The following RPS6KC1 variants were observed in gnomAD, a reference collection of about 807,000 sequenced individuals.
RPS6KC1 encodes the protein inactive ribosomal protein S6 kinase delta-1.
In RPS6KC1, 54 loss-of-function variants were observed where a neutral mutation model predicts 103.8. The ratio of observed to expected loss-of-function variants is 0.52; its 90% CI spans 0.42 to 0.65. RPS6KC1 has a LOEUF of 0.65. Ranked by LOEUF, RPS6KC1 falls within the 30% of genes least tolerant of loss-of-function variation. RPS6KC1 has a pLI of 0.00. For missense variants in RPS6KC1, 1,151 were observed against 1,253.8 expected (o/e 0.92, Z 1.24); for synonymous variants, 439 against 438.7 (o/e 1.00, Z -0.01).
chr1:213,505,998 T>G, the RPS6KC1 span, among the ~76,000 whole-genome samples: 1 of 152,160 alleles, frequency 6.6e-6, no homozygotes, highest in Non-Finnish European at 1.5e-5. Flanking sequence ...TCATCTGCAT[T>G]TGTTTGTTGT....
the RPS6KC1 span, among the ~76,000 whole-genome samples, chr1:213,566,840 A>G: frequency 1.3e-5 from 2 of 151,830 alleles, no homozygotes; most frequent in Non-Finnish European, 2.9e-5. Context: ...CATTTTAAAC[A>G]TTTATTTTTA....
chr1:213,654,664 T>G, the RPS6KC1 span, among the ~76,000 whole-genome samples: 1 of 152,230 alleles, frequency 6.6e-6, no homozygotes, highest in Non-Finnish European at 1.5e-5. Flanking sequence ...ATTAAAGATT[T>G]ATTTTTAATA....
rs74699407 is a variant in RPS6KC1, at chr1:213,082,510, A to G, written c.262+4694A>G. On this transcript the variant is annotated intron_variant, in intron 3 of 14. Transcript: ENST00000366960. Reference sequence around the variant, plus strand: ...GTAAGACTGCAAGTGAGGTTTCCCAAAGAAGTTAGGTAAGTGTTACTGGAA... The same window carrying G: ...GTAAGACTGCAAGTGAGGTTTCCCAGAGAAGTTAGGTAAGTGTTACTGGAA... Among the ~76,000 whole-genome samples the G allele has an allele frequency of 3.9e-5, 6 of 152,310 alleles. No homozygotes were observed. The East Asian group carries it at 1.2e-3, about 29-fold the overall frequency.
chr1:213,640,840 T>TA, the RPS6KC1 span, among the ~76,000 whole-genome samples: 2 of 151,978 alleles, frequency 1.3e-5, no homozygotes, highest in Admixed American at 1.3e-4. Context: ...CATGTTCACT[T>TA]AAAAAAATGT....
the RPS6KC1 span, among the ~76,000 whole-genome samples, chr1:213,720,842 C>T: frequency 6.6e-6 from 1 of 152,190 alleles, no homozygotes; most frequent in African/African-American, 2.4e-5. Context: ...CTCCTTGAGC[C>T]TCATTGCCAT....
At chr1:213,569,228 A>T in the RPS6KC1 span, among the ~76,000 whole-genome samples, 5 of 152,088 alleles carry the variant, frequency 3.3e-5, no homozygotes, top group African/African-American at 1.2e-4. Flanking sequence ...TGAGGTTGTG[A>T]GCTAAAACCT....
At chr1:213,829,336 G>T in the RPS6KC1 span, among the ~76,000 whole-genome samples, 1 of 147,632 alleles carries the variant, frequency 6.8e-6, no homozygotes, top group African/African-American at 2.5e-5. Flanking sequence ...CAGGATTAAA[G>T]TCAGGGAGGC....
chr1:213,826,006 A>T, the RPS6KC1 span, among the ~76,000 whole-genome samples: 92 of 152,228 alleles, frequency 6.0e-4, no homozygotes, highest in Non-Finnish European at 1.1e-3. Context: ...ATCCACCATC[A>T]CTCATTAGAT....
At chr1:213,394,717 G>T in the RPS6KC1 span, among the ~76,000 whole-genome samples, 2 of 152,158 alleles carry the variant, frequency 1.3e-5, no homozygotes, top group African/African-American at 4.8e-5. Flanking sequence ...GCTGTATTGG[G>T]GTGTTCGTGG....
At chr1:213,234,350 A>T (rs1479314084) in intron 10 of RPS6KC1, among the ~76,000 whole-genome samples, 2 of 152,142 alleles carry the variant, frequency 1.3e-5, no homozygotes, top group African/African-American at 4.8e-5. Context: ...AAACAGAAAA[A>T]CAAAAAGCAA....
At chr1:213,794,068 G>A in the RPS6KC1 span, among the ~76,000 whole-genome samples, 10 of 152,168 alleles carry the variant, frequency 6.6e-5, no homozygotes, top group Non-Finnish European at 7.3e-5. Flanking sequence ...AATTATCTGT[G>A]TGCTGGATTT....
At chr1:213,351,545 A>G in the RPS6KC1 span, among the ~76,000 whole-genome samples, 1 of 152,182 alleles carries the variant, frequency 6.6e-6, no homozygotes, top group African/African-American at 2.4e-5. Flanking sequence ...TGGCTATATG[A>G]GTGGAGTTTT....
chr1:213,436,798 C>A, the RPS6KC1 span, among the ~76,000 whole-genome samples: 1 of 152,066 alleles, frequency 6.6e-6, no homozygotes, highest in African/African-American at 2.4e-5. Context: ...TTCAAAATTT[C>A]ATTTTCTAGT....
intron 12 of RPS6KC1, among the ~76,000 whole-genome samples, chr1:213,255,562 C>A (rs1331492758): frequency 6.6e-6 from 1 of 151,984 alleles, no homozygotes; most frequent in East Asian, 1.9e-4. Context: ...TTGGTTTATG[C>A]TTAGATTTTT....
the RPS6KC1 span, among the ~76,000 whole-genome samples, chr1:213,322,911 CTTTTTTTTTTTTTT>C: frequency 2.7e-5 from 1 of 36,672 alleles, no homozygotes; most frequent in African/African-American, 1.2e-4. Context: ...CCATGCCCAG[CTTTTTTTTTTTTTT>C]TTTTTTTTTT....
At chr1:213,489,551 A>T in the RPS6KC1 span, among the ~76,000 whole-genome samples, 1 of 152,204 alleles carries the variant, frequency 6.6e-6, no homozygotes, top group African/African-American at 2.4e-5. Context: ...GGATACAAAG[A>T]ACATAACACA....
chr1:213,288,935 GTTGT>G, the RPS6KC1 span, among the ~76,000 whole-genome samples: 12 of 152,110 alleles, frequency 7.9e-5, no homozygotes, highest in Admixed American at 3.3e-4. Flanking sequence ...GGATTGGCTT[GTTGT>G]TTGTTTGTTT....
chr1:213,780,746 G>A, the RPS6KC1 span, among the ~76,000 whole-genome samples: 1 of 152,174 alleles, frequency 6.6e-6, no homozygotes, highest in Non-Finnish European at 1.5e-5. Context: ...AGTGACAGCA[G>A]GGCTCAGTGG....
the RPS6KC1 span, among the ~76,000 whole-genome samples, chr1:213,607,689 A>ACACACG: frequency 2.7e-4 from 1 of 3,710 alleles, no homozygotes; most frequent in East Asian, 4.8e-3. Flanking sequence ...AGTTGCAATT[A>ACACACG]CACACACACA....
Sources: allele counts gnomAD v4.1 joint callset (sites outside exome capture counted in the v4.1 genomes callset), GRCh38; gene constraint gnomAD v4.1.1; transcripts MANE v1.5; gene names NCBI Gene and HGNC (gene_info 2026-07-23, HGNC 2026-07-21).